The following SCHIP1 variants were observed in gnomAD, a reference collection of about 807,000 sequenced individuals.
The protein encoded by SCHIP1 is schwannomin-interacting protein 1.
SCHIP1 carries 8 observed loss-of-function variants against 29.7 expected under a neutral mutation model. The observed-to-expected ratio is 0.27, with a 90% confidence interval of 0.16 to 0.49. The LOEUF (loss-of-function observed/expected upper bound fraction) is 0.49, where lower values mean the gene tolerates loss of function less well. Ranked by LOEUF, SCHIP1 falls within the 20% of genes least tolerant of loss-of-function variation. The pLI is 0.99. For missense variants in SCHIP1, 193 were observed against 294.6 expected (o/e 0.66, Z 2.52); for synonymous variants, 76 against 94.9 (o/e 0.80, Z 1.16).
At chr3:159,745,317 G>C in the SCHIP1 span, among the ~76,000 whole-genome samples, 1 of 152,184 alleles carries the variant, frequency 6.6e-6, no homozygotes, top group Admixed American at 6.5e-5. Context: ...AAGGAGCCGG[G>C]TGTTTAATAA....
chr3:159,323,691 A>G, the SCHIP1 span, among the ~76,000 whole-genome samples: 2 of 152,244 alleles, frequency 1.3e-5, no homozygotes, highest in South Asian at 2.1e-4. Flanking sequence ...AGCAAAGGCT[A>G]TGTATTCAAA....
At chr3:159,351,214 A>G in the SCHIP1 span, among the ~76,000 whole-genome samples, 25 of 152,126 alleles carry the variant, frequency 1.6e-4, no homozygotes, top group Non-Finnish European at 3.2e-4. Flanking sequence ...TATGCTTTCA[A>G]TTTGCCTGTG....
the SCHIP1 span, chr3:159,274,944 A>G: frequency 6.1e-6 from 6 of 978,462 alleles, no homozygotes; most frequent in Non-Finnish European, 7.3e-6. Flanking sequence ...TTGACCTCCA[A>G]TTCAAATATA....
the SCHIP1 span, among the ~76,000 whole-genome samples, chr3:159,380,616 G>A: frequency 1.3e-5 from 2 of 151,942 alleles, no homozygotes; most frequent in Non-Finnish European, 2.9e-5. Context: ...CTAGTATATT[G>A]CATTTATAAT....
the SCHIP1 span, among the ~76,000 whole-genome samples, chr3:159,543,042 T>C: frequency 6.6e-6 from 1 of 151,528 alleles, no homozygotes; most frequent in Non-Finnish European, 1.5e-5. Context: ...TGTATATATA[T>C]ATACACACAT....
At chr3:159,382,350 A>G in the SCHIP1 span, among the ~76,000 whole-genome samples, 2 of 150,694 alleles carry the variant, frequency 1.3e-5, no homozygotes, top group Non-Finnish European at 2.9e-5. Context: ...GAGTGAGAAT[A>G]TGCGGTGTTT....
chr3:159,555,714 T>A, the SCHIP1 span, among the ~76,000 whole-genome samples: 1 of 152,188 alleles, frequency 6.6e-6, no homozygotes, highest in Admixed American at 6.5e-5. Flanking sequence ...TAATAAGAAA[T>A]AAGTGTACTA....
chr3:159,377,266 T>C, the SCHIP1 span, among the ~76,000 whole-genome samples: 1 of 152,182 alleles, frequency 6.6e-6, no homozygotes, highest in Non-Finnish European at 1.5e-5. Context: ...TAGACAACTT[T>C]AGCTGGTCAC....
chr3:159,813,116 G>A, the SCHIP1 span, among the ~76,000 whole-genome samples: 19,426 of 152,158 alleles, frequency 0.13, 1,468 homozygotes, highest in Middle Eastern at 0.29. Flanking sequence ...ACACCATTAC[G>A]TTGGGGACCA....
At chr3:159,330,208 T>TA in the SCHIP1 span, among the ~76,000 whole-genome samples, 1 of 152,232 alleles carries the variant, frequency 6.6e-6, no homozygotes, top group African/African-American at 2.4e-5. Flanking sequence ...TCTTGATTTT[T>TA]AATGTAGACA....
At chr3:159,554,879 T>C in the SCHIP1 span, among the ~76,000 whole-genome samples, 2 of 151,992 alleles carry the variant, frequency 1.3e-5, no homozygotes, top group Non-Finnish European at 2.9e-5. Context: ...AAGCCCACTT[T>C]CTCCTATATG....
chr3:159,719,930 A>G, the SCHIP1 span, among the ~76,000 whole-genome samples: 1 of 152,204 alleles, frequency 6.6e-6, no homozygotes, highest in Non-Finnish European at 1.5e-5. Flanking sequence ...AGACACATGC[A>G]CACGTATGTT....
the SCHIP1 span, among the ~76,000 whole-genome samples, chr3:159,661,316 C>G: frequency 4.0e-5 from 6 of 151,786 alleles, no homozygotes; most frequent in African/African-American, 1.5e-4. Flanking sequence ...TTCCATGTAT[C>G]TCTCCATATA....
chr3:159,652,707 G>T, the SCHIP1 span, among the ~76,000 whole-genome samples: 1 of 152,186 alleles, frequency 6.6e-6, no homozygotes, highest in Non-Finnish European at 1.5e-5. Context: ...GCTGAAACCA[G>T]AAGGGCAGGA....
At chr3:159,860,073 A>G (rs1577447821) in intron 1 of SCHIP1, among the ~76,000 whole-genome samples, 1 of 151,978 alleles carries the variant, frequency 6.6e-6, no homozygotes, top group Non-Finnish European at 1.5e-5. Context: ...CACTTGGCCA[A>G]CCAGTGTCTC....
intron 2 of SCHIP1, among the ~76,000 whole-genome samples, chr3:159,878,426 G>A (rs1371238929): frequency 6.6e-6 from 1 of 151,518 alleles, no homozygotes; most frequent in Non-Finnish European, 1.5e-5. Context: ...AGGTTGCAGT[G>A]AGCCAAGATT....
chr3:159,444,136 G>A, the SCHIP1 span, among the ~76,000 whole-genome samples: 2 of 152,120 alleles, frequency 1.3e-5, no homozygotes, highest in East Asian at 3.9e-4. Flanking sequence ...GCAATGAAGT[G>A]TACATCACTG....
At chr3:159,752,687 A>T in the SCHIP1 span, among the ~76,000 whole-genome samples, 3 of 152,084 alleles carry the variant, frequency 2.0e-5, no homozygotes, top group Admixed American at 2.0e-4. Flanking sequence ...ACTCACTATT[A>T]CGAGAACAGC....
chr3:159,743,769 A>G, the SCHIP1 span, among the ~76,000 whole-genome samples: 42,323 of 151,984 alleles, frequency 0.28, 5,937 homozygotes, highest in Middle Eastern at 0.35. Context: ...CGATGTCAGT[A>G]CCCTGGTTTG....
Sources: gnomAD v4.1 joint callset for allele counts (sites outside exome capture counted in the v4.1 genomes callset) on GRCh38, gnomAD v4.1.1 for gene constraint, MANE v1.5 for transcripts, NCBI Gene and HGNC (gene_info 2026-07-23, HGNC 2026-07-21) for gene names.